The following SHISA9 variants were observed in gnomAD, a reference collection of about 807,000 sequenced individuals.
SHISA9 encodes shisa family member 9.
SHISA9 carries 13 observed loss-of-function variants against 38.0 expected under a neutral mutation model. The observed-to-expected ratio is 0.34, with a 90% CI of 0.22 to 0.54. SHISA9 has a LOEUF of 0.54. Among genes scored for constraint, SHISA9 ranks in the 20% least tolerant of loss-of-function variants. The pLI, the probability that SHISA9 is intolerant of heterozygous loss-of-function variation, is 0.91. For missense variants in SHISA9, 538 were observed against 575.8 expected, an observed-to-expected ratio of 0.93 and a Z score of 0.67; for synonymous variants, 275 against 242.0, an observed-to-expected ratio of 1.14 and a Z score of -1.27.
intron 1 of SHISA9, chr16:12,908,785 C>A: frequency 2.2e-6 from 3 of 1,363,692 alleles, no homozygotes; most frequent in South Asian, 1.6e-5. Flanking sequence ...TTGGTGGAGG[C>A]GTTGGTGAGA....
chr16:13,017,502 C>T (rs1292960019), intron 2 of SHISA9, among the ~76,000 whole-genome samples: 1 of 152,186 alleles, frequency 6.6e-6, no homozygotes, highest in Non-Finnish European at 1.5e-5. Flanking sequence ...AACTGGGATT[C>T]CCATTTAGAT....
chr16:13,328,532 C>G, the SHISA9 span, among the ~76,000 whole-genome samples: 1 of 151,152 alleles, frequency 6.6e-6, no homozygotes, highest in South Asian at 2.1e-4. Context: ...CCTGCCTCAG[C>G]CTTCTGAGTA....
chr16:13,015,962 T>TTCCTTTCCCTTCCCTTCCCC (rs2072749419), intron 2 of SHISA9, among the ~76,000 whole-genome samples: 1 of 31,544 alleles, frequency 3.2e-5, no homozygotes, highest in African/African-American at 1.1e-4. Context: ...TTCCCTTCCC[T>TTCCTTTCCCTTCCCTTCCCC]TCCCTTCCCT....
At chr16:13,120,776 G>A (rs72784473) in intron 2 of SHISA9, among the ~76,000 whole-genome samples, 1,898 of 152,234 alleles carry the variant, frequency 0.012, 18 homozygotes, top group Non-Finnish European at 0.017. Flanking sequence ...GTTAGCGAGG[G>A]AAGAGGATTG....
intron 2 of SHISA9, among the ~76,000 whole-genome samples, chr16:13,057,722 C>A (rs986120051): frequency 1.3e-5 from 2 of 152,148 alleles, no homozygotes; most frequent in South Asian, 4.1e-4. Context: ...TAAACGTGTG[C>A]CATGGTGGTT....
rs562130745 is a variant in SHISA9 at position 13,118,789 on chromosome 16, G to A, written c.692-84605G>A. Among the ~76,000 whole-genome samples the A allele has an allele frequency of 2.1e-5, 3 of 144,902 alleles. No individual in the cohort carries two copies. The Admixed American group carries it at 2.1e-4, about 10-fold the overall frequency. ...TTTTTGCCCAGGCTGGAATGCAATG[G>A]CGTGATCTCAGCTTACTGCAACCTC... On this transcript the variant is annotated intron_variant, in intron 2 of 4. Transcript: ENST00000558583.
At chr16:13,312,274 A>G in the SHISA9 span, among the ~76,000 whole-genome samples, 2 of 152,216 alleles carry the variant, frequency 1.3e-5, no homozygotes, top group African/African-American at 4.8e-5. Flanking sequence ...TTTATTTACA[A>G]AAACAGACAG....
chr16:13,414,646 C>G, the SHISA9 span, among the ~76,000 whole-genome samples: 1 of 136,612 alleles, frequency 7.3e-6, no homozygotes, highest in African/African-American at 2.7e-5. Flanking sequence ...TTCTTTCTTT[C>G]TTTCTTTTTT....
chr16:13,001,407 T>C (rs549668857), intron 2 of SHISA9, among the ~76,000 whole-genome samples: 2 of 152,318 alleles, frequency 1.3e-5, no homozygotes, highest in African/African-American at 2.4e-5. Context: ...TCCCGGTGTT[T>C]CTTCTCCTCT....
intron 2 of SHISA9, among the ~76,000 whole-genome samples, chr16:13,138,124 A>G (rs2050366343): frequency 6.6e-6 from 1 of 152,164 alleles, no homozygotes; most frequent in Non-Finnish European, 1.5e-5. Flanking sequence ...TCCCTGGGCT[A>G]TATTTTGAGT....
At chr16:13,265,711 C>T in the SHISA9 span, among the ~76,000 whole-genome samples, 1 of 151,736 alleles carries the variant, frequency 6.6e-6, no homozygotes, top group Non-Finnish European at 1.5e-5. Flanking sequence ...GTGATATATG[C>T]TGAGGATAAT....
chr16:13,417,010 T>C, the SHISA9 span, among the ~76,000 whole-genome samples: 1 of 152,214 alleles, frequency 6.6e-6, no homozygotes, highest in African/African-American at 2.4e-5. Context: ...AAACTCAGTG[T>C]TCACTGAGAT....
At chr16:13,514,699 A>T in the SHISA9 span, among the ~76,000 whole-genome samples, 3 of 152,208 alleles carry the variant, frequency 2.0e-5, no homozygotes, top group Non-Finnish European at 4.4e-5. Context: ...GGTCAACTTT[A>T]ATTGGCCTAA....
intron 2 of SHISA9, among the ~76,000 whole-genome samples, chr16:12,943,055 G>A (rs2071632400): frequency 6.6e-6 from 1 of 152,052 alleles, no homozygotes; most frequent in Non-Finnish European, 1.5e-5. Context: ...AGGCTCCAGA[G>A]AAGGAGAGAG....
At chr16:13,454,546 T>G in the SHISA9 span, among the ~76,000 whole-genome samples, 1 of 152,162 alleles carries the variant, frequency 6.6e-6, no homozygotes, top group Non-Finnish European at 1.5e-5. Context: ...GTCATCTTTG[T>G]TTTACAGATG....
intron 2 of SHISA9, among the ~76,000 whole-genome samples, chr16:12,962,361 C>T (rs1309979636): frequency 1.3e-5 from 2 of 152,182 alleles, no homozygotes; most frequent in Non-Finnish European, 2.9e-5. Flanking sequence ...TCCCAGTTCC[C>T]CAGTTGCATG....
chr16:12,976,397 G>A (rs573386032), intron 2 of SHISA9, among the ~76,000 whole-genome samples: 5 of 152,174 alleles, frequency 3.3e-5, no homozygotes, highest in South Asian at 2.1e-4. Flanking sequence ...GGCCAAACTC[G>A]TTAATTTTTT....
At chr16:13,122,411 A>G (rs2050219909) in intron 2 of SHISA9, among the ~76,000 whole-genome samples, 1 of 152,172 alleles carries the variant, frequency 6.6e-6, no homozygotes, top group Non-Finnish European at 1.5e-5. Flanking sequence ...TGCTGGAGAG[A>G]ATGCAATAGA....
intron 2 of SHISA9, among the ~76,000 whole-genome samples, chr16:13,083,808 T>G (rs1265946892): frequency 6.6e-6 from 1 of 152,180 alleles, no homozygotes; most frequent in Non-Finnish European, 1.5e-5. Context: ...AAGGTGGCTG[T>G]GAGCCATTAG....
Sources: allele counts gnomAD v4.1 joint callset (sites outside exome capture counted in the v4.1 genomes callset), GRCh38; gene constraint gnomAD v4.1.1; transcripts MANE v1.5; gene names NCBI Gene and HGNC (gene_info 2026-07-23, HGNC 2026-07-21).